RNF13: variants seen among roughly 807,000 people sequenced by gnomAD.
The protein encoded by RNF13 is E3 ubiquitin-protein ligase RNF13.
RNF13 carries 19 observed loss-of-function variants against 37.7 expected under a neutral mutation model. The observed-to-expected ratio is 0.50, with a 90% CI of 0.35 to 0.74. The LOEUF (loss-of-function observed/expected upper bound fraction) is 0.74, where lower values mean the gene tolerates loss of function less well. RNF13 is among the 30% of genes least tolerant of loss of function. The pLI is 0.01. For synonymous variants in RNF13, 144 were observed against 157.8 expected (o/e 0.91, Z 0.65); for missense variants, 375 against 453.0 (o/e 0.83, Z 1.56).
chr3:149,941,536 T>TG (rs1720273032), intron 8 of RNF13, among the ~76,000 whole-genome samples: 1 of 151,654 alleles, frequency 6.6e-6, no homozygotes, highest in African/African-American at 2.4e-5. Context: ...TTAGGTTTTT[T>TG]TTTTTTTTTT....
At chr3:149,841,327 CA>C (rs1356566158) in intron 1 of RNF13, among the ~76,000 whole-genome samples, 1 of 152,134 alleles carries the variant, frequency 6.6e-6, no homozygotes, top group Non-Finnish European at 1.5e-5. Context: ...GCAGCAACAA[CA>C]AAAAACCTAT....
intron 3 of RNF13, among the ~76,000 whole-genome samples, chr3:149,860,283 A>G (rs1724113937): frequency 7.1e-6 from 1 of 141,222 alleles, no homozygotes; most frequent in East Asian, 2.0e-4. Context: ...ATATATATAT[A>G]TATATATATA....
chr3:149,868,054 ATCT>A (rs1381719123), intron 3 of RNF13, among the ~76,000 whole-genome samples: 7 of 151,966 alleles, frequency 4.6e-5, no homozygotes, highest in Non-Finnish European at 8.8e-5. Flanking sequence ...ATGAAAAAAA[ATCT>A]TCTACACTTT....
At chr3:149,871,130 C>A (rs1003140216) in intron 3 of RNF13, among the ~76,000 whole-genome samples, 1 of 151,178 alleles carries the variant, frequency 6.6e-6, no homozygotes, top group African/African-American at 2.4e-5. Flanking sequence ...CAACTTCCAC[C>A]TCCTGGGTTC....
At position 149,960,846 on chromosome 3, in the gene RNF13, A is replaced by G. The variant is rs201290409; in HGVS notation, c.888A>G (p.Thr296=). 2 of 1,614,220 alleles carry G rather than the reference A, an allele frequency of 1.2e-6. No individual in the cohort carries two copies. The highest frequency in any genetic ancestry group is 4.5e-5 in the East Asian group (2 of 44,870). ...VPSQGDSDSD[T]DSSQEENEVT... is the part of the protein sequence containing the mutation. ...CTCAAGGCGATTCAGACTCTGACACAGACAGTAGTCAAGAAGAAAATGAAG... is the reference window on the plus strand; with the variant it reads ...CTCAAGGCGATTCAGACTCTGACACGGACAGTAGTCAAGAAGAAAATGAAG... The change falls in exon 10 of 10, where the codon ACA becomes ACG. Residue 296 remains threonine, a synonymous_variant. Transcript: ENST00000392894.
chr3:149,952,419 C>G (rs553315801), intron 8 of RNF13, among the ~76,000 whole-genome samples: 2 of 152,066 alleles, frequency 1.3e-5, no homozygotes, highest in East Asian at 3.9e-4. Flanking sequence ...GTAACTGAAA[C>G]GGACAGGTTT....
At chr3:149,824,771 G>A (rs914991043) in intron 1 of RNF13, among the ~76,000 whole-genome samples, 2 of 149,976 alleles carry the variant, frequency 1.3e-5, no homozygotes, top group South Asian at 2.1e-4. Context: ...AAGTATGTCT[G>A]TATCAAAAAG....
At chr3:149,832,469 T>C (rs1047576324) in intron 1 of RNF13, among the ~76,000 whole-genome samples, 2 of 152,132 alleles carry the variant, frequency 1.3e-5, no homozygotes, top group African/African-American at 4.8e-5. Context: ...ATTTTCAAAT[T>C]TTTCAGTGAC....
intron 1 of RNF13, among the ~76,000 whole-genome samples, chr3:149,828,672 C>G (rs999874107): frequency 7.2e-5 from 11 of 152,136 alleles, no homozygotes; most frequent in African/African-American, 2.4e-4. Flanking sequence ...ATCACTCTCT[C>G]TCTCTCTTTT....
At chr3:149,836,937 A>G (rs1445787153) in intron 1 of RNF13, among the ~76,000 whole-genome samples, 2 of 152,252 alleles carry the variant, frequency 1.3e-5, no homozygotes, top group African/African-American at 2.4e-5. Context: ...TAGTTAGAGT[A>G]GTTGAATTTA....
chr3:149,886,381 A>AT, intron 4 of RNF13, among the ~76,000 whole-genome samples: 1 of 151,706 alleles, frequency 6.6e-6, no homozygotes, highest in Non-Finnish European at 1.5e-5. Flanking sequence ...TTTTCTCTTA[A>AT]TTTTATTTTG....
intron 6 of RNF13, among the ~76,000 whole-genome samples, chr3:149,910,451 T>A (rs1365486347): frequency 1.3e-5 from 2 of 152,198 alleles, no homozygotes; most frequent in Non-Finnish European, 2.9e-5. Flanking sequence ...GGTAAATTCC[T>A]GGTATTTTTT....
At chr3:149,922,853 G>A (rs1718287123) in intron 8 of RNF13, among the ~76,000 whole-genome samples, 1 of 152,112 alleles carries the variant, frequency 6.6e-6, no homozygotes, top group Non-Finnish European at 1.5e-5. Context: ...CTATAGTATA[G>A]TTTCTCTGTG....
chr3:149,886,841 A>G (rs916883058), intron 4 of RNF13, among the ~76,000 whole-genome samples: 1 of 152,208 alleles, frequency 6.6e-6, no homozygotes, highest in Admixed American at 6.5e-5. Context: ...AGTAGTATCC[A>G]AATAAGTTTT....
chr3:149,874,630 G>A (rs1054074391), intron 4 of RNF13, among the ~76,000 whole-genome samples: 1 of 152,118 alleles, frequency 6.6e-6, no homozygotes, highest in Non-Finnish European at 1.5e-5. Flanking sequence ...AAATTAAATT[G>A]TCTGGTAAGT....
At chr3:149,906,100 GA>G (rs1192446774) in intron 6 of RNF13, among the ~76,000 whole-genome samples, 1 of 151,860 alleles carries the variant, frequency 6.6e-6, no homozygotes, top group Non-Finnish European at 1.5e-5. Flanking sequence ...AATATTTTAT[GA>G]TTTTTTTTCA....
intron 1 of RNF13, among the ~76,000 whole-genome samples, chr3:149,844,050 T>C (rs1722412894): frequency 6.6e-6 from 1 of 152,232 alleles, no homozygotes; most frequent in Non-Finnish European, 1.5e-5. Flanking sequence ...TTTATTCAGA[T>C]TCAGTTTCCC....
rs556599665 is a variant in RNF13, at chr3:149,916,535, A to G, written c.606+4452A>G. ...TGTTAAGTAGCTTACATTTTAGTAG[A>G]ACTTAATGCTAAATTCTTTACTTTC... is the stretch of plus-strand genomic sequence containing the variant. On this transcript the variant is annotated intron_variant, in intron 7 of 9. Transcript: ENST00000392894. 3.5e-4 allele frequency among the ~76,000 whole-genome samples: 53 copies of G among 152,282 alleles called. 2 individuals are homozygous for G. The South Asian group carries it at 0.011, about 31-fold the overall frequency.
intron 2 of RNF13, among the ~76,000 whole-genome samples, 165 bp downstream of exon 2, chr3:149,846,305 G>GT (rs1390704444): frequency 6.6e-6 from 1 of 152,014 alleles, no homozygotes; most frequent in African/African-American, 2.4e-5. Context: ...TTATTCATTT[G>GT]TTTATTTATT....
Sources: gnomAD v4.1 joint callset for allele counts (sites outside exome capture counted in the v4.1 genomes callset) on GRCh38, gnomAD v4.1.1 for gene constraint, MANE v1.5 for transcripts, NCBI Gene and HGNC (gene_info 2026-07-23, HGNC 2026-07-21) for gene names.